ADGRE5: variants seen among roughly 807,000 people sequenced by gnomAD.
ADGRE5 encodes adhesion G protein-coupled receptor E5.
A neutral mutation model predicts 100.3 loss-of-function variants in ADGRE5; 72 were observed. The observed-to-expected ratio is 0.72, with a 90% CI of 0.59 to 0.87. The LOEUF is 0.87. Among genes scored for constraint, ADGRE5 ranks in the 40% least tolerant of loss-of-function variants. ADGRE5 has a pLI of 0.00. For missense variants in ADGRE5, 959 were observed against 1,094.7 expected (o/e 0.88, Z 1.75); for synonymous variants, 439 against 447.8 (o/e 0.98, Z 0.25).
chr19:14,408,216 C>T lies in ADGRE5; in HGVS notation c.*95C>T, dbSNP rs1976367631. The T allele has an allele frequency of 1.5e-6, 2 of 1,338,312 alleles. No homozygotes were observed. The highest frequency in any genetic ancestry group is 2.4e-5 in the East Asian group (1 of 41,238). 82.9% of individuals were successfully genotyped at this position (1,338,312 alleles called of 1,614,324 possible). A position where few individuals can be genotyped will look rare whatever the true frequency, so the allele number is the denominator to read the frequency against. Reference sequence around the variant, plus strand: ...CCTCCCTTCGTCCACCACTCTACTCCCTCCACCCTCCCTCCCTGATCCCGT... The same window carrying T: ...CCTCCCTTCGTCCACCACTCTACTCTCTCCACCCTCCCTCCCTGATCCCGT... On this transcript the variant is annotated 3_prime_UTR_variant, in exon 20 of 20. Transcript: ENST00000242786.
chr19:14,387,240 CCA>C lies in ADGRE5; in HGVS notation c.23-1204_23-1203del, dbSNP rs1975390238. Among the ~76,000 whole-genome samples the C allele has an allele frequency of 2.0e-5, 3 of 151,892 alleles. No individual in the cohort carries two copies. In the South Asian group the frequency reaches 6.2e-4, roughly 32 times the overall value. On this transcript the variant is annotated intron_variant, in intron 1 of 19. Transcript: ENST00000242786. ...TCCTGTCTGTTTTCTTAGCCACTCC[CCA>C]CACACCCCAGGTCAGAAGAGCAGCA...
In ADGRE5 at chr19:14,401,535, C is replaced by T. The variant is rs765247258; in HGVS notation, c.1047C>T (p.Pro349=). The T allele has an allele frequency of 1.2e-6, 2 of 1,614,186 alleles. No homozygotes were observed. The highest frequency in any genetic ancestry group is 3.3e-5 in the Admixed American group (2 of 60,018). Residue 349 remains proline, a synonymous_variant, in exon 10 of 20, where the codon CCC becomes CCT. Transcript: ENST00000242786. This position sits in a 1 kb window ranked among gnomAD's most constrained non-coding sequence, Gnocchi z 4.1. ...TGGCCAAGAGCCTGCCTAAAGGCCCCTTCACCTACATTTCCCCTTCGAACA... is the reference window on the plus strand; with the variant it reads ...TGGCCAAGAGCCTGCCTAAAGGCCCTTTCACCTACATTTCCCCTTCGAACA... The part of the protein sequence containing the change: ...RILAKSLPKG[P]FTYISPSNTE...
chr19:14,406,621 C>T lies in ADGRE5; in HGVS notation c.2048+64C>T, dbSNP rs148968275. The T allele has an allele frequency of 1.3e-5, 20 of 1,598,438 alleles. No individual in the cohort carries two copies. Among genetic ancestry groups the T allele is most frequent in the Middle Eastern group, 3.3e-4 (2 of 6,038 alleles). On this transcript the variant is annotated intron_variant, in intron 15 of 19. Transcript: ENST00000242786. The surrounding 1 kb of genome is among the most constrained non-coding windows in gnomAD (Gnocchi z 6.0). ...CTGGGCCTGGGGCTCACAGGCAGTG[C>T]CACACACAATGTCCGGCCGCCCTCC...
chr19:14,383,447 G>A (rs563265633), intron 1 of ADGRE5, among the ~76,000 whole-genome samples: 1 of 152,156 alleles, frequency 6.6e-6, no homozygotes, highest in African/African-American at 2.4e-5. Flanking sequence ...GGAGGTTGCA[G>A]TGAGCTGAGA....
chr19:14,401,691 G>A lies in ADGRE5; in HGVS notation c.1114G>A (p.Val372Ile), dbSNP rs545710498. ...GATCCAGGAGCGGGGGGACAAGAACGTCACTATGGGTCAGAGCAGCGCACG... is the reference window on the plus strand; with the variant it reads ...GATCCAGGAGCGGGGGGACAAGAACATCACTATGGGTCAGAGCAGCGCACG... ...LMIQERGDKN[V>I]TMGQSSARMK... Residue 372 changes from valine (V) to isoleucine (I), a missense_variant, in exon 11 of 20, where the codon GTC becomes ATC. Physicochemically the swap from Val to Ile is conservative, Grantham distance 29. Transcript: ENST00000242786. The surrounding 1 kb of genome is among the most constrained non-coding windows in gnomAD (Gnocchi z 4.1). 67 of 1,590,376 alleles carry A rather than the reference G, an allele frequency of 4.2e-5. No individual in the cohort carries two copies. The highest frequency in any genetic ancestry group is 1.0e-4 in the South Asian group (9 of 87,450).
chr19:14,404,647 C>T lies in ADGRE5; in HGVS notation c.1629+85C>T. 13 of 1,336,332 alleles carry T rather than the reference C, an allele frequency of 9.7e-6. No individual in the cohort carries two copies. The South Asian group carries it at 1.0e-4, about 10-fold the overall frequency. The allele number at this position is 1,336,332 out of a possible 1,614,324, so 82.8% of individuals were successfully genotyped here. A position where few individuals can be genotyped will look rare whatever the true frequency, so the allele number is the denominator to read the frequency against. Reference sequence around the variant, plus strand: ...CAGGCAGCTAGTTCTCCATGGAGCCCTACTGGTTGCTCAGATATATCTGCA... The same window carrying T: ...CAGGCAGCTAGTTCTCCATGGAGCCTTACTGGTTGCTCAGATATATCTGCA... On this transcript the variant is annotated intron_variant, in intron 13 of 19. Coordinates refer to ENST00000242786, the MANE Select transcript of ADGRE5 (RefSeq NM_078481.4).
chr19:14,392,751 A>C (rs1003805065), intron 4 of ADGRE5, among the ~76,000 whole-genome samples: 8 of 151,814 alleles, frequency 5.3e-5, no homozygotes, highest in Non-Finnish European at 1.2e-4. Flanking sequence ...AAAAATACAA[A>C]AATTAGCTGG....
Position 14,396,509 on chromosome 19 carries a change from G to A in ADGRE5, c.478+36G>A, listed in dbSNP as rs181595668. The A allele has an allele frequency of 6.2e-6, 10 of 1,613,352 alleles. No individual in the cohort carries two copies. The African/African-American group carries it at 8.0e-5, about 13-fold the overall frequency. The stretch of plus-strand genomic sequence containing the variant: ...CAGGAAGACGCCGTGAGGCTGGACG[G>A]GAGCTGGGGATGGAGCTGAGGCACG... On this transcript the variant is annotated intron_variant, in intron 5 of 19. Transcript: ENST00000242786.
Position 14,408,230 on chromosome 19 carries a change from C to T in ADGRE5, c.*109C>T, listed in dbSNP as rs1484858896. 1.6e-6 allele frequency: 2 copies of T among 1,250,592 alleles called. No individual in the cohort carries two copies. The highest frequency in any genetic ancestry group is 2.3e-6 in the Non-Finnish European group (2 of 872,446). 77.5% of individuals were successfully genotyped at this position (1,250,592 alleles called of 1,614,324 possible). A position where few individuals can be genotyped will look rare whatever the true frequency, so the allele number is the denominator to read the frequency against. On this transcript the variant is annotated 3_prime_UTR_variant, in exon 20 of 20. Transcript: ENST00000242786. ...CCACTCTACTCCCTCCACCCTCCCT[C>T]CCTGATCCCGTGTGCCACCAGGAGG... is the stretch of plus-strand genomic sequence containing the variant.
At chr19:14,394,916 T>C (rs752398730) in intron 4 of ADGRE5, among the ~76,000 whole-genome samples, 43 of 152,236 alleles carry the variant, frequency 2.8e-4, no homozygotes, top group Admixed American at 1.5e-3. Context: ...TAACCCACCC[T>C]GGTAATTCCT....
Position 14,408,203 on chromosome 19 carries a change from C to T in ADGRE5, c.*82C>T. On this transcript the variant is annotated 3_prime_UTR_variant, in exon 20 of 20. Transcript: ENST00000242786. ...GAAGACCATCCATCCTCCCTTCGTC[C>T]ACCACTCTACTCCCTCCACCCTCCC... The T allele has an allele frequency of 7.0e-7, 1 of 1,430,106 alleles. No homozygotes were observed. 88.6% of individuals were successfully genotyped at this position (1,430,106 alleles called of 1,614,324 possible).
rs549360964 is a variant in ADGRE5, at chr19:14,404,402, G to A, written c.1469G>A (p.Arg490Gln). ...PPAKDVMPGP[R>Q]QELLCAFWKS... ...CCACAGGACGTGATGCCTGGGCCAC[G>A]GCAGGAGCTGCTCTGTGCCTTCTGG... Residue 490 changes from arginine (R) to glutamine (Q), a missense_variant, in exon 13 of 20, where the codon CGG becomes CAG. By Grantham distance (43) the Arg-to-Gln change is conservative (BLOSUM62 1). This residue lies in a region of ADGRE5 where 246 missense variants were observed against 242.2 expected (regional missense o/e 1.02). Coordinates refer to ENST00000242786, the MANE Select transcript of ADGRE5 (RefSeq NM_078481.4). The A allele has an allele frequency of 8.1e-6, 13 of 1,610,032 alleles. No homozygotes were observed. The highest frequency in any genetic ancestry group is 2.7e-5 in the African/African-American group (2 of 74,950).
At chr19:14,386,241 T>C (rs1375540920) in intron 1 of ADGRE5, among the ~76,000 whole-genome samples, 1 of 149,160 alleles carries the variant, frequency 6.7e-6, no homozygotes, top group East Asian at 2.0e-4. Flanking sequence ...TAGCCAGGCG[T>C]GGTGGTGGGC....
chr19:14,398,990 T>C (rs1490267003), intron 9 of ADGRE5, among the ~76,000 whole-genome samples: 1 of 151,682 alleles, frequency 6.6e-6, no homozygotes, highest in Non-Finnish European at 1.5e-5. Context: ...CAAAGGCATA[T>C]ACCACCATGC....
At chr19:14,390,224 C>A (rs1187157305) in intron 3 of ADGRE5, among the ~76,000 whole-genome samples, 3 of 151,534 alleles carry the variant, frequency 2.0e-5, no homozygotes, top group Non-Finnish European at 4.4e-5. Flanking sequence ...GGCATGGCTT[C>A]CTGGAGAGAG....
intron 12 of ADGRE5, among the ~76,000 whole-genome samples, chr19:14,403,604 T>C (rs769995433): frequency 5.3e-5 from 8 of 152,098 alleles, no homozygotes; most frequent in Non-Finnish European, 1.2e-4. Context: ...TCCTCCCACC[T>C]CAGCCTCCTG....
At position 14,405,928 on chromosome 19, in the gene ADGRE5, G is replaced by A; in HGVS notation, c.1810G>A (p.Glu604Lys). 6.2e-7 allele frequency: 1 copy of A among 1,607,634 alleles called. No homozygotes were observed. Among genetic ancestry groups the A allele is most frequent in the Non-Finnish European group, 8.5e-7 (1 of 1,179,802 alleles). ...CATCTTCCTGGCCGGCATCGAGAAC[G>A]AAGGCGGCCAGGTGAGGTCCCGCCC... ...STIFLAGIENEGGQVGLRCRL... is the reference protein window; with the variant it reads ...STIFLAGIENKGGQVGLRCRL... Residue 604 changes from glutamate to lysine, a missense_variant, in exon 14 of 20, where the codon GAA (glutamate) becomes AAA (lysine). Transcript: ENST00000242786.
At position 14,408,012 on chromosome 19, in the gene ADGRE5, A is replaced by C; in HGVS notation, c.2478+3A>C. 6.2e-7 allele frequency: 1 copy of C among 1,614,094 alleles called. No individual in the cohort carries two copies. The highest frequency in any genetic ancestry group is 8.5e-7 in the Non-Finnish European group (1 of 1,179,970). On this transcript the variant is annotated splice_donor_region_variant and intron_variant, in intron 19 of 19. Transcript: ENST00000242786. ...GCACTGGCCACAATCAGACCCGGGT[A>C]AGGGGCTGCGCCTGGGGCGGGTGTG...
intron 1 of ADGRE5, among the ~76,000 whole-genome samples, chr19:14,387,850 A>C (rs965710206): frequency 1.3e-5 from 2 of 152,084 alleles, no homozygotes; most frequent in East Asian, 3.9e-4. Flanking sequence ...CAAGACAGGC[A>C]GATCACCTGA....
Sources: allele counts gnomAD v4.1 joint callset (sites outside exome capture counted in the v4.1 genomes callset), GRCh38; gene constraint gnomAD v4.1.1; regional missense constraint gnomAD v4.1.1; non-coding constraint Gnocchi (gnomAD v3.1); transcripts MANE v1.5; gene names NCBI Gene and HGNC (gene_info 2026-07-23, HGNC 2026-07-21).